Variants in CERS6 observed in about 807,000 individuals in gnomAD.
CERS6 encodes the protein LAG1 homolog, ceramide synthase 6.
Under a neutral mutation model 56.8 loss-of-function variants are expected in CERS6, and 26 were observed. That is an observed-to-expected ratio of 0.46 (90% CI 0.34 to 0.63). The LOEUF is 0.63. CERS6 is among the 30% of genes least tolerant of loss of function. The probability of loss-of-function intolerance (pLI) is 0.01; values close to 1 mark genes in which losing one functional copy is unlikely to be tolerated. For missense variants in CERS6, 415 were observed against 467.5 expected (o/e 0.89, Z 1.04); for synonymous variants, 164 against 173.3 (o/e 0.95, Z 0.42).
At chr2:168,474,100 G>A (rs1424996904) in intron 1 of CERS6, among the ~76,000 whole-genome samples, 1 of 152,172 alleles carries the variant, frequency 6.6e-6, no homozygotes, top group Non-Finnish European at 1.5e-5. Flanking sequence ...GGTATATTCT[G>A]AGTCTTGCTC....
chr2:168,586,466 G>A (rs1010091427), intron 3 of CERS6, among the ~76,000 whole-genome samples: 2 of 152,020 alleles, frequency 1.3e-5, no homozygotes, highest in South Asian at 2.1e-4. Context: ...TATATAAGAG[G>A]TGTGCATTTT....
At chr2:168,737,318 A>G (rs1447705188) in intron 8 of CERS6, among the ~76,000 whole-genome samples, 3 of 152,226 alleles carry the variant, frequency 2.0e-5, no homozygotes, top group South Asian at 2.1e-4. Flanking sequence ...GGAAAATTCA[A>G]TATTGGCTCG....
intron 4 of CERS6, among the ~76,000 whole-genome samples, chr2:168,665,336 A>G (rs1685731518): frequency 6.6e-6 from 1 of 152,118 alleles, no homozygotes; most frequent in African/African-American, 2.4e-5. Context: ...CGGTGGGTAT[A>G]ACATAAGTTA....
chr2:168,571,033 G>T (rs1282184957), intron 3 of CERS6, among the ~76,000 whole-genome samples: 1 of 152,100 alleles, frequency 6.6e-6, no homozygotes, highest in African/African-American at 2.4e-5. Context: ...TCCTTCTAGG[G>T]CCCCTTCCTT....
chr2:168,491,459 C>T (rs538601139), intron 1 of CERS6, among the ~76,000 whole-genome samples: 20 of 151,918 alleles, frequency 1.3e-4, no homozygotes, highest in Admixed American at 3.3e-4. Flanking sequence ...AGTATATTTT[C>T]TGTGCTATTT....
intron 1 of CERS6, among the ~76,000 whole-genome samples, chr2:168,462,071 C>A (rs1367481191): frequency 1.3e-5 from 2 of 152,210 alleles, no homozygotes; most frequent in African/African-American, 4.8e-5. Flanking sequence ...AACCTAGGCC[C>A]ATGTTGTATA....
At chr2:168,495,816 G>C (rs1694457093) in intron 1 of CERS6, among the ~76,000 whole-genome samples, 1 of 152,074 alleles carries the variant, frequency 6.6e-6, no homozygotes, top group African/African-American at 2.4e-5. Flanking sequence ...TTTCCATTTT[G>C]ACTTTGCCCT....
At chr2:168,478,215 G>T (rs1423480730) in intron 1 of CERS6, among the ~76,000 whole-genome samples, 1 of 152,070 alleles carries the variant, frequency 6.6e-6, no homozygotes, top group Non-Finnish European at 1.5e-5. Flanking sequence ...TGCTGCCACT[G>T]TTCTGAGAGC....
chr2:168,634,696 A>C (rs1684823660), intron 4 of CERS6, among the ~76,000 whole-genome samples: 1 of 152,198 alleles, frequency 6.6e-6, no homozygotes, highest in African/African-American at 2.4e-5. Flanking sequence ...TATAGGTGTG[A>C]GCCACCACAC....
intron 1 of CERS6, among the ~76,000 whole-genome samples, chr2:168,489,487 T>TA (rs1468502615): frequency 1.3e-5 from 2 of 151,800 alleles, no homozygotes; most frequent in Non-Finnish European, 2.9e-5. Flanking sequence ...TTTTTTTTTT[T>TA]TCTGGAAAAC....
At chr2:168,538,627 G>A (rs148347450) in intron 1 of CERS6, among the ~76,000 whole-genome samples, 99 of 152,234 alleles carry the variant, frequency 6.5e-4, no homozygotes, top group Middle Eastern at 3.4e-3. Context: ...TACACTGCTT[G>A]GTTTATTTTT....
chr2:168,697,272 A>T (rs1322684074), intron 6 of CERS6, among the ~76,000 whole-genome samples: 2 of 152,138 alleles, frequency 1.3e-5, no homozygotes, highest in Non-Finnish European at 2.9e-5. Context: ...ACTCTTTGAC[A>T]CCCGTAATTT....
chr2:168,634,443 C>CGAG (rs1684817637), intron 4 of CERS6, among the ~76,000 whole-genome samples: 1 of 152,112 alleles, frequency 6.6e-6, no homozygotes, highest in South Asian at 2.1e-4. Context: ...GATGGAGTCT[C>CGAG]GCTCTGCCGC....
At chr2:168,485,122 C>T (rs1694252262) in intron 1 of CERS6, among the ~76,000 whole-genome samples, 1 of 150,966 alleles carries the variant, frequency 6.6e-6, no homozygotes, top group Non-Finnish European at 1.5e-5. Flanking sequence ...AAAATCTTGA[C>T]CCTTAAGTAA....
chr2:168,534,407 CT>C (rs34587789), intron 1 of CERS6, among the ~76,000 whole-genome samples: 59,822 of 136,418 alleles, frequency 0.44, 12,966 homozygotes, highest in South Asian at 0.72. Flanking sequence ...TTTTGTGGGG[CT>C]TTTTTTTTTT....
At chr2:168,707,771 C>G (rs766499584) in intron 6 of CERS6, among the ~76,000 whole-genome samples, 1 of 152,092 alleles carries the variant, frequency 6.6e-6, no homozygotes, top group Non-Finnish European at 1.5e-5. Flanking sequence ...GTAAATCACC[C>G]CAAATATACT....
In CERS6 at chr2:168,464,174, T is replaced by TGTGTGTGTGTGTGTG. The variant is rs1573999569; in HGVS notation, c.170+7556_170+7557insGTGTGTGTGTGTGTG. On this transcript the variant is annotated intron_variant, in intron 1 of 9. Coordinates refer to ENST00000305747, the MANE Select transcript of CERS6 (RefSeq NM_203463.3). ...TTCTCTGGTCACATATTTATACTTT[T>TGTGTGTGTGTGTGTG]TGTGTGTGTGTGTGTGTGTGTGTGT... is the stretch of plus-strand genomic sequence containing the variant. Among the ~76,000 whole-genome samples the TGTGTGTGTGTGTGTG allele has an allele frequency of 5.0e-5, 7 of 139,696 alleles. No homozygotes were observed. In the East Asian group the frequency reaches 1.1e-3, roughly 21 times the overall value. 91.6% of individuals were successfully genotyped at this position (139,696 alleles called of 152,430 possible).
chr2:168,682,692 G>A (rs1321833419), intron 4 of CERS6, among the ~76,000 whole-genome samples: 2 of 152,170 alleles, frequency 1.3e-5, no homozygotes, highest in Non-Finnish European at 2.9e-5. Context: ...TGGGGGGTGG[G>A]AGTTGGTGGA....
intron 4 of CERS6, among the ~76,000 whole-genome samples, chr2:168,641,367 C>T (rs1685041615): frequency 6.6e-6 from 1 of 152,144 alleles, no homozygotes; most frequent in African/African-American, 2.4e-5. Context: ...ACAAAGTCCC[C>T]AGCTTTTCCT....
Sources: gnomAD v4.1 joint callset for allele counts (sites outside exome capture counted in the v4.1 genomes callset) on GRCh38, gnomAD v4.1.1 for gene constraint, MANE v1.5 for transcripts, NCBI Gene and HGNC (gene_info 2026-07-23, HGNC 2026-07-21) for gene names.